RUFY2: variants seen among roughly 807,000 people sequenced by gnomAD.
RUFY2 encodes the protein RUN and FYVE domain containing 2.
In RUFY2, 49 loss-of-function variants were observed where a neutral mutation model predicts 94.4. The ratio of observed to expected loss-of-function variants is 0.52; its 90% CI spans 0.41 to 0.66. The LOEUF (loss-of-function observed/expected upper bound fraction) is 0.66, where lower values mean the gene tolerates loss of function less well. Among genes scored for constraint, RUFY2 ranks in the 30% least tolerant of loss-of-function variants. RUFY2 has a pLI of 0.00. For synonymous variants in RUFY2, 255 were observed against 235.7 expected (o/e 1.08, Z -0.75); for missense variants, 541 against 692.8 (o/e 0.78, Z 2.46).
chr10:68,394,407 G>A lies in RUFY2; in HGVS notation c.443C>T (p.Ala148Val). ...GCCAACCAGCAGCCCAACAATTACT[G>A]CTCCTTCTTCTTCCATCATTAGTGC... ...YHALMMEEEG[A>V]VIVGLLVGLN... The change falls in exon 5 of 18, where the codon GCA becomes GTA. Residue 148 changes from alanine to valine, a missense_variant. Physicochemically the swap from Ala to Val is moderately conservative, Grantham distance 64 (BLOSUM62 0). Transcript: ENST00000602465. The A allele has an allele frequency of 6.2e-7, 1 of 1,613,444 alleles. No homozygotes were observed. The highest frequency in any genetic ancestry group is 1.1e-5 in the South Asian group (1 of 91,046).
chr10:68,387,547 T>C (rs184611761), intron 7 of RUFY2, among the ~76,000 whole-genome samples: 35 of 152,322 alleles, frequency 2.3e-4, no homozygotes, highest in Non-Finnish European at 2.9e-5. Context: ...TGTTTTTCCA[T>C]TCATATTAAA....
chr10:68,391,227 T>C (rs2049958876), intron 7 of RUFY2, among the ~76,000 whole-genome samples: 1 of 152,134 alleles, frequency 6.6e-6, no homozygotes, highest in Non-Finnish European at 1.5e-5. Context: ...TGAGACATCG[T>C]GCCTGTACCC....
chr10:68,368,386 G>A (rs1003938222), intron 13 of RUFY2, among the ~76,000 whole-genome samples: 2 of 143,838 alleles, frequency 1.4e-5, no homozygotes, highest in Non-Finnish European at 2.9e-5. Context: ...AATTACAGGT[G>A]CAGTGGCTCA....
intron 13 of RUFY2, among the ~76,000 whole-genome samples, chr10:68,374,352 G>A (rs926083360): frequency 4.6e-5 from 7 of 151,844 alleles, no homozygotes; most frequent in African/African-American, 1.5e-4. Flanking sequence ...TTTAATCAAC[G>A]GAAAGCAGGA....
intron 10 of RUFY2, 45 bp from the exon 11 acceptor site, chr10:68,381,444 TA>T: frequency 6.4e-7 from 1 of 1,553,658 alleles, no homozygotes; most frequent in South Asian, 1.2e-5. Flanking sequence ...CTTCAGGATG[TA>T]AAAATTAGAT....
At chr10:68,399,797 T>A (rs960157520) in intron 3 of RUFY2, among the ~76,000 whole-genome samples, 17 of 152,146 alleles carry the variant, frequency 1.1e-4, no homozygotes, top group African/African-American at 3.9e-4. Flanking sequence ...AGCACTTTTT[T>A]TGAGACAGAG....
chr10:68,345,296 CAAAT>C lies in RUFY2; in HGVS notation c.*468_*471del, dbSNP rs1441310333. ...AAAGGGAGAGGGGGAGAAGAAAGGG[CAAAT>C]AAATATAGTTGAAATCTTACAAAGA... On this transcript the variant is annotated 3_prime_UTR_variant, in exon 18 of 18. Coordinates refer to ENST00000602465, the MANE Select transcript of RUFY2 (RefSeq NM_001330103.2). The C allele has an allele frequency of 1.6e-5, 4 of 245,142 alleles. No individual in the cohort carries two copies. Among genetic ancestry groups the C allele is most frequent in the Admixed American group, 5.5e-5 (1 of 18,122 alleles). The allele number at this position is 245,142 out of a possible 1,614,324, so 15.2% of individuals were successfully genotyped here. A position where few individuals can be genotyped will look rare whatever the true frequency, so the allele number is the denominator to read the frequency against.
At position 68,402,630 on chromosome 10, in the gene RUFY2, GA is replaced by G. The variant is rs576692963; in HGVS notation, c.179-894del. The stretch of plus-strand genomic sequence containing the variant: ...CAAACTCCATTTCAGCAGTCTTGGG[GA>G]AAATCAAGATGCACTCCTGATTTTT... On this transcript the variant is annotated intron_variant, in intron 2 of 17. Transcript: ENST00000602465. Among the ~76,000 whole-genome samples the G allele has an allele frequency of 2.1e-3, 313 of 150,590 alleles. 2 individuals are homozygous for G. Among genetic ancestry groups the G allele is most frequent in the African/African-American group, 7.5e-3 (303 of 40,420 alleles).
At chr10:68,406,970 C>T in intron 1 of RUFY2, 1 of 1,542,234 alleles carries the variant, frequency 6.5e-7, no homozygotes, top group Non-Finnish European at 8.7e-7. Context: ...GCCTCAGAAC[C>T]CGGGCGGGAA....
intron 13 of RUFY2, among the ~76,000 whole-genome samples, chr10:68,373,942 T>C (rs2048440718): frequency 6.6e-6 from 1 of 150,450 alleles, no homozygotes; most frequent in South Asian, 2.1e-4. Flanking sequence ...TTGTCTCTAC[T>C]AAAAAAATAA....
chr10:68,377,155 A>T lies in RUFY2; in HGVS notation c.1206-183T>A. The T allele has an allele frequency of 2.5e-6, 3 of 1,183,560 alleles. No individual in the cohort carries two copies. In the South Asian group the frequency reaches 5.5e-5, roughly 22 times the overall value. 73.3% of individuals were successfully genotyped at this position (1,183,560 alleles called of 1,614,324 possible). ...CACAATGTCTAGAAGTTGTTTTGTGATTTTTTTTTTTCAATATAACATGTA... is the reference window on the plus strand; with the variant it reads ...CACAATGTCTAGAAGTTGTTTTGTGTTTTTTTTTTTTCAATATAACATGTA... On this transcript the variant is annotated intron_variant, in intron 12 of 17. Coordinates refer to ENST00000602465, the MANE Select transcript of RUFY2 (RefSeq NM_001330103.2).
At chr10:68,351,381 C>A (rs1357528633) in intron 16 of RUFY2, among the ~76,000 whole-genome samples, 1 of 151,874 alleles carries the variant, frequency 6.6e-6, no homozygotes, top group African/African-American at 2.4e-5. Context: ...TGTGATCCAC[C>A]CGCCTTGGCC....
intron 16 of RUFY2, among the ~76,000 whole-genome samples, 182 bp downstream of exon 16, chr10:68,355,171 G>A (rs1224659228): frequency 2.0e-5 from 3 of 152,128 alleles, no homozygotes; most frequent in Admixed American, 6.6e-5. Flanking sequence ...CTAAAGGAAG[G>A]TTATTAATAA....
Position 68,405,788 on chromosome 10 carries a change from A to G in RUFY2, c.5-944T>C, listed in dbSNP as rs1458879354. On this transcript the variant is annotated intron_variant, in intron 1 of 17. Coordinates refer to ENST00000602465, the MANE Select transcript of RUFY2 (RefSeq NM_001330103.2). ...GTTTTATTTTCAAAGAGAAAATAAA[A>G]GCAGAGACCAGTTTTACATTAATGT... 5 of 815,224 alleles carry G rather than the reference A, an allele frequency of 6.1e-6. No homozygotes were observed. In the African/African-American group the frequency reaches 9.3e-5, roughly 15 times the overall value. The allele number at this position is 815,224 out of a possible 1,614,324, so 50.5% of individuals were successfully genotyped here.
chr10:68,344,994 CATCTTTGA>C lies in RUFY2; in HGVS notation c.*766_*773del, dbSNP rs1442567493. 1 of 151,972 alleles carries C rather than the reference CATCTTTGA, an allele frequency of 6.6e-6. No homozygotes were observed. Among genetic ancestry groups the C allele is most frequent in the Non-Finnish European group, 1.5e-5 (1 of 68,022 alleles). 9.4% of individuals were successfully genotyped at this position (151,972 alleles called of 1,614,324 possible). ...TTTTCTGGGGAAGGATTTGTGTTTT[CATCTTTGA>C]ATTGGGGTCTGAGTCACCCCTTAAA... On this transcript the variant is annotated 3_prime_UTR_variant, in exon 18 of 18. Coordinates refer to ENST00000602465, the MANE Select transcript of RUFY2 (RefSeq NM_001330103.2).
chr10:68,341,959 T>TTA (rs750627090), downstream of RUFY2: 1 of 1,612,882 alleles, frequency 6.2e-7, no homozygotes, highest in Non-Finnish European at 8.5e-7. Context: ...TGAGTGATTC[T>TTA]TAATATCTTT....
At chr10:68,363,457 G>A in intron 15 of RUFY2, 133 bp downstream of exon 15, 2 of 558,220 alleles carry the variant, frequency 3.6e-6, no homozygotes, top group Non-Finnish European at 6.1e-6. Flanking sequence ...GGGGATTACA[G>A]GCGTGAACCA....
intron 13 of RUFY2, among the ~76,000 whole-genome samples, chr10:68,369,108 A>T (rs10998088): frequency 0.1 from 15,607 of 152,254 alleles, 1,053 homozygotes; most frequent in South Asian, 0.24. Context: ...AACCCCCAGC[A>T]GTAATAAGGC....
Position 68,363,871 on chromosome 10 carries a change from T to C in RUFY2, c.1455+113A>G, listed in dbSNP as rs947784381. 6 of 918,542 alleles carry C rather than the reference T, an allele frequency of 6.5e-6. No individual in the cohort carries two copies. In the African/African-American group the frequency reaches 8.4e-5, roughly 13 times the overall value. 56.9% of individuals were successfully genotyped at this position (918,542 alleles called of 1,614,324 possible). A position where few individuals can be genotyped will look rare whatever the true frequency, so the allele number is the denominator to read the frequency against. Reference sequence around the variant, plus strand: ...TTTACTTAATCTCTTTACTGATATTTTTTAAGATGACTAGTATATCCATTT... The same window carrying C: ...TTTACTTAATCTCTTTACTGATATTCTTTAAGATGACTAGTATATCCATTT... On this transcript the variant is annotated intron_variant, in intron 14 of 17. Transcript: ENST00000602465.
Sources: gnomAD v4.1 joint callset for allele counts (sites outside exome capture counted in the v4.1 genomes callset) on GRCh38, gnomAD v4.1.1 for gene constraint, MANE v1.5 for transcripts, NCBI Gene and HGNC (gene_info 2026-07-23, HGNC 2026-07-21) for gene names.